Variants in GRHL2 observed in about 807,000 individuals in gnomAD.
The protein encoded by GRHL2 is grainyhead-like protein 2 homolog.
GRHL2 carries 21 observed loss-of-function variants against 83.8 expected under a neutral mutation model. That is an observed-to-expected ratio of 0.25 (90% confidence interval 0.18 to 0.36). The LOEUF (loss-of-function observed/expected upper bound fraction) is 0.36. Ranked by LOEUF, GRHL2 falls within the 10% of genes least tolerant of loss-of-function variation. GRHL2 has a pLI of 1.00. For synonymous variants in GRHL2, 280 were observed against 278.9 expected (o/e 1.00, Z -0.04); for missense variants, 623 against 781.8 (o/e 0.80, Z 2.42).
chr8:101,504,552 T>G (rs1382725204), intron 1 of GRHL2, among the ~76,000 whole-genome samples: 5 of 152,028 alleles, frequency 3.3e-5, no homozygotes, highest in Non-Finnish European at 7.4e-5. Context: ...TGGTGTTGGG[T>G]CCAGTTTTGA....
At chr8:101,562,009 T>A in intron 4 of GRHL2, 2 of 791,978 alleles carry the variant, frequency 2.5e-6, no homozygotes, top group Non-Finnish European at 4.3e-6. Context: ...TTAAGAAGCA[T>A]CTTCCATGTC....
At chr8:101,630,584 G>C (rs1813167636) in intron 9 of GRHL2, among the ~76,000 whole-genome samples, 1 of 152,140 alleles carries the variant, frequency 6.6e-6, no homozygotes. Context: ...ATTTCGGAAG[G>C]GTGAAAGGTT....
Position 101,666,707 on chromosome 8 carries a change from T to G in GRHL2, c.*4T>G, listed in dbSNP as rs1180190707. ...GGTCACGCTCATGGAAATCTAGCCC[T>G]GGGTTTGGCATCCGCTTTGGCTGGA... On this transcript the variant is annotated 3_prime_UTR_variant, in exon 16 of 16. Coordinates refer to ENST00000646743, the MANE Select transcript of GRHL2 (RefSeq NM_024915.4). The G allele has an allele frequency of 3.2e-6, 5 of 1,585,818 alleles. No homozygotes were observed. The highest frequency in any genetic ancestry group is 3.5e-6 in the Non-Finnish European group (4 of 1,154,266).
intron 1 of GRHL2, among the ~76,000 whole-genome samples, chr8:101,493,494 G>C (rs200889591): frequency 1.1e-4 from 1 of 9,306 alleles, no homozygotes; most frequent in East Asian, 2.0e-3. Context: ...TCAGGTGCCC[G>C]GGGGGAAAGG....
intron 1 of GRHL2, among the ~76,000 whole-genome samples, chr8:101,534,565 C>T (rs191543927): frequency 2.7e-4 from 41 of 151,766 alleles, no homozygotes; most frequent in African/African-American, 9.9e-4. Context: ...AGAGGACTCA[C>T]GAGGGTGTGA....
At chr8:101,570,514 C>A in intron 5 of GRHL2, 120 bp downstream of exon 5, 1 of 859,072 alleles carries the variant, frequency 1.2e-6, no homozygotes, top group East Asian at 2.5e-5. Flanking sequence ...GTGTGATTTC[C>A]TTTGCCTCAG....
At chr8:101,527,939 T>C (rs944756209) in intron 1 of GRHL2, among the ~76,000 whole-genome samples, 4 of 152,224 alleles carry the variant, frequency 2.6e-5, no homozygotes, top group African/African-American at 9.6e-5. Flanking sequence ...ACTTAAGTTT[T>C]TTCCCAGTAT....
chr8:101,552,448 G>A (rs992389976), intron 2 of GRHL2, among the ~76,000 whole-genome samples: 2 of 152,194 alleles, frequency 1.3e-5, no homozygotes, highest in Admixed American at 6.5e-5. Context: ...AGAGGTGCTC[G>A]GGTCCAGGGA....
chr8:101,575,116 G>C (rs1162748931), intron 6 of GRHL2, among the ~76,000 whole-genome samples: 1 of 152,114 alleles, frequency 6.6e-6, no homozygotes, highest in Non-Finnish European at 1.5e-5. Context: ...TGTTAGCCTG[G>C]ATGTATTTCT....
intron 9 of GRHL2, among the ~76,000 whole-genome samples, chr8:101,631,398 A>G (rs926326704): frequency 1.3e-5 from 2 of 152,226 alleles, no homozygotes; most frequent in Non-Finnish European, 1.5e-5. Context: ...AAAGATACCA[A>G]AAAAGGAGAG....
intron 1 of GRHL2, among the ~76,000 whole-genome samples, chr8:101,509,116 T>C (rs1203050024): frequency 1.4e-4 from 5 of 35,178 alleles, no homozygotes; most frequent in African/African-American, 3.5e-4. Flanking sequence ...TCTCCTTCCT[T>C]CCTTCCTTCC....
intron 9 of GRHL2, among the ~76,000 whole-genome samples, chr8:101,628,803 A>G (rs1421031502): frequency 1.3e-5 from 2 of 152,150 alleles, no homozygotes; most frequent in African/African-American, 2.4e-5. Context: ...ACTTCAGTAG[A>G]GGAAGTAACT....
intron 4 of GRHL2, among the ~76,000 whole-genome samples, chr8:101,564,429 G>A (rs149103532): frequency 0.011 from 1,718 of 152,294 alleles, 23 homozygotes; most frequent in Non-Finnish European, 0.018. Flanking sequence ...ATGTGCACGT[G>A]CATGTGTGCA....
At chr8:101,598,304 G>A (rs2130309184) in intron 7 of GRHL2, among the ~76,000 whole-genome samples, 1 of 144,470 alleles carries the variant, frequency 6.9e-6, no homozygotes, top group South Asian at 2.2e-4. Context: ...ACAGTGGCAT[G>A]ATCTCAGCTC....
the GRHL2 span, among the ~76,000 whole-genome samples, chr8:101,677,934 G>A: frequency 6.6e-6 from 1 of 152,100 alleles, no homozygotes; most frequent in African/African-American, 2.4e-5. Context: ...GCAATAATCT[G>A]TCTTAGGTGG....
chr8:101,562,257 G>T (rs766879782), intron 4 of GRHL2: 2 of 596,986 alleles, frequency 3.4e-6, no homozygotes, highest in Non-Finnish European at 6.2e-6. Flanking sequence ...GTATTCGATA[G>T]GTTCATTTCT....
intron 8 of GRHL2, among the ~76,000 whole-genome samples, chr8:101,603,868 A>G (rs995160097): frequency 6.6e-6 from 1 of 152,054 alleles, no homozygotes; most frequent in African/African-American, 2.4e-5. Context: ...TTGGAAATTG[A>G]TGGCGGGCAG....
intron 13 of GRHL2, among the ~76,000 whole-genome samples, chr8:101,647,234 A>G (rs1191339674): frequency 6.6e-6 from 1 of 152,134 alleles, no homozygotes; most frequent in African/African-American, 2.4e-5. Flanking sequence ...GTGTGATGGC[A>G]CATGCCTGTA....
chr8:101,522,365 A>G (rs79892649), intron 1 of GRHL2, among the ~76,000 whole-genome samples: 1,636 of 152,322 alleles, frequency 0.011, 23 homozygotes, highest in African/African-American at 0.037. Context: ...TAGGTATTAT[A>G]AGTAATCTAG....
Sources: gnomAD v4.1 joint callset for allele counts (sites outside exome capture counted in the v4.1 genomes callset) on GRCh38, gnomAD v4.1.1 for gene constraint, MANE v1.5 for transcripts, NCBI Gene and HGNC (gene_info 2026-07-23, HGNC 2026-07-21) for gene names.